LAMA3: variants seen among roughly 807,000 people sequenced by gnomAD.
LAMA3 encodes laminin subunit alpha-3.
A neutral mutation model predicts 402.0 loss-of-function variants in LAMA3; 281 were observed. The ratio of observed to expected loss-of-function variants is 0.70; its 90% CI spans 0.63 to 0.77. The LOEUF (loss-of-function observed/expected upper bound fraction) is 0.77, where lower values mean the gene tolerates loss of function less well. Among genes scored for constraint, LAMA3 ranks in the 30% least tolerant of loss-of-function variants. LAMA3 has a pLI of 0.00. For missense variants in LAMA3, 3,840 were observed against 4,215.5 expected (o/e 0.91, Z 2.47); for synonymous variants, 1,431 against 1,558.4 (o/e 0.92, Z 1.93).
intron 2 of LAMA3, among the ~76,000 whole-genome samples, chr18:23,727,306 TTTGATTGATTGATTGATTGA>T (rs71163638): frequency 2.0e-5 from 3 of 148,842 alleles, no homozygotes; most frequent in Non-Finnish European, 3.0e-5. Flanking sequence ...TCTGTCCTTG[TTTGATTGATTGATTGATTGA>T]TTGATTGATT....
chr18:23,739,049 G>C (rs1158947226), intron 2 of LAMA3, among the ~76,000 whole-genome samples: 2 of 152,170 alleles, frequency 1.3e-5, no homozygotes, highest in Non-Finnish European at 2.9e-5. Flanking sequence ...CCTTACTCTG[G>C]ACAGCTGCCC....
chr18:23,810,342 G>A (rs1568207223), intron 12 of LAMA3, 24 bp from the exon 13 acceptor site: 3 of 1,613,928 alleles, frequency 1.9e-6, no homozygotes, highest in Non-Finnish European at 1.7e-6. Flanking sequence ...CCCCGCCTAA[G>A]TCTGATTGAA....
At chr18:23,739,213 A>G (rs2061524889) in intron 2 of LAMA3, among the ~76,000 whole-genome samples, 1 of 152,164 alleles carries the variant, frequency 6.6e-6, no homozygotes, top group East Asian at 1.9e-4. Flanking sequence ...TATCCCCTTC[A>G]ATTTTCCAGA....
intron 60 of LAMA3, among the ~76,000 whole-genome samples, chr18:23,919,723 C>CG (rs1568345182): frequency 6.6e-6 from 1 of 151,892 alleles, no homozygotes; most frequent in Non-Finnish European, 1.5e-5. Context: ...ACAGTGGCTG[C>CG]GGGGCTGGAG....
chr18:23,925,655 A>G (rs2081981963), intron 62 of LAMA3, among the ~76,000 whole-genome samples: 1 of 152,174 alleles, frequency 6.6e-6, no homozygotes, highest in Non-Finnish European at 1.5e-5. Flanking sequence ...GCAGGAACCC[A>G]CCAACACAAC....
At chr18:23,741,277 T>C (rs1410467050) in intron 2 of LAMA3, among the ~76,000 whole-genome samples, 1 of 152,062 alleles carries the variant, frequency 6.6e-6, no homozygotes, top group Non-Finnish European at 1.5e-5. Context: ...CACAGGGTGA[T>C]GATAAACCCA....
In LAMA3 at chr18:23,773,568, T is replaced by A; in HGVS notation, c.1254T>A (p.Asp418Glu). The change falls in exon 9 of 75, where the codon GAT becomes GAA. Residue 418 changes from aspartate (D) to glutamate (E), a missense_variant. Asp to Glu is a conservative substitution (Grantham distance 45). Around this residue, in one of 3 missense-constraint regions of LAMA3, gnomAD observed 2,109 missense variants for 2,376.0 expected, o/e 0.89. Transcript: ENST00000313654. ...GYYRPYGVPV[D>E]APDGCIPCSC... Reference sequence around the variant, plus strand: ...ACCGCCCTTATGGGGTTCCAGTGGATGCCCCTGATGGCTGCATCCGTAAGT... The same window carrying A: ...ACCGCCCTTATGGGGTTCCAGTGGAAGCCCCTGATGGCTGCATCCGTAAGT... 1 of 1,588,494 alleles carries A rather than the reference T, an allele frequency of 6.3e-7. No homozygotes were observed. The highest frequency in any genetic ancestry group is 8.6e-7 in the Non-Finnish European group (1 of 1,163,788).
chr18:23,734,290 A>G (rs1412508419), intron 2 of LAMA3, among the ~76,000 whole-genome samples: 1 of 152,220 alleles, frequency 6.6e-6, no homozygotes, highest in Non-Finnish European at 1.5e-5. Context: ...AAACGGGACC[A>G]TGGGGCCTGC....
intron 2 of LAMA3, among the ~76,000 whole-genome samples, chr18:23,722,016 G>T (rs2061223058): frequency 6.6e-6 from 1 of 152,104 alleles, no homozygotes; most frequent in Non-Finnish European, 1.5e-5. Context: ...TTGGAATAAG[G>T]TCCAAGTTTC....
chr18:23,900,793 G>A (rs926212683), intron 47 of LAMA3, among the ~76,000 whole-genome samples: 2 of 152,164 alleles, frequency 1.3e-5, no homozygotes, highest in African/African-American at 2.4e-5. Flanking sequence ...AGTGGAAGGA[G>A]CATGCACTTT....
chr18:23,784,571 T>C (rs181605227), intron 12 of LAMA3, among the ~76,000 whole-genome samples: 92 of 152,198 alleles, frequency 6.0e-4, no homozygotes, highest in African/African-American at 2.0e-3. Context: ...GGCAGGGTGT[T>C]CTAGAGAGAG....
chr18:23,738,774 A>G (rs1385719740), intron 2 of LAMA3, among the ~76,000 whole-genome samples: 1 of 152,238 alleles, frequency 6.6e-6, no homozygotes, highest in Non-Finnish European at 1.5e-5. Context: ...AGCCACTTCC[A>G]GAAAGAATTC....
rs1414057187 is a variant in LAMA3, at chr18:23,817,928, C to T, written c.2147+1441C>T. 4.6e-5 allele frequency among the ~76,000 whole-genome samples: 7 copies of T among 151,990 alleles called. No homozygotes were observed. In the South Asian group the frequency reaches 1.2e-3, roughly 27 times the overall value. On this transcript the variant is annotated intron_variant, in intron 18 of 74. Coordinates refer to ENST00000313654, the MANE Select transcript of LAMA3 (RefSeq NM_198129.4). Reference sequence around the variant, plus strand: ...CAGTACTTTGGGGGGCCGAGGTGGGCGGATCACCTGAGGTCAGGAGTTCAA... The same window carrying T: ...CAGTACTTTGGGGGGCCGAGGTGGGTGGATCACCTGAGGTCAGGAGTTCAA...
rs60711151 is a variant in LAMA3, at chr18:23,884,047, GGTGTGTGTGTGTGTGT to G, written c.5223-689_5223-674del. The stretch of plus-strand genomic sequence containing the variant: ...AACAGGGCTTTTTCATGGTCTCTTT[GGTGTGTGTGTGTGTGT>G]GTGTGTGTGTGTGTGTGTGTGTGTG... On this transcript the variant is annotated intron_variant, in intron 40 of 74. Coordinates refer to ENST00000313654, the MANE Select transcript of LAMA3 (RefSeq NM_198129.4). Among the ~76,000 whole-genome samples the G allele has an allele frequency of 3.1e-3, 431 of 138,890 alleles. 5 individuals are homozygous for G. The highest frequency in any genetic ancestry group is 0.03 in the South Asian group (123 of 4,086). 91.1% of individuals were successfully genotyped at this position (138,890 alleles called of 152,430 possible).
intron 1 of LAMA3, among the ~76,000 whole-genome samples, chr18:23,701,623 G>T (rs1202605346): frequency 6.6e-6 from 1 of 152,196 alleles, no homozygotes; most frequent in Non-Finnish European, 1.5e-5. Flanking sequence ...GTTTATAGTA[G>T]TGAGCAAAAT....
At chr18:23,781,960 A>G (rs977000207) in intron 11 of LAMA3, among the ~76,000 whole-genome samples, 1 of 152,212 alleles carries the variant, frequency 6.6e-6, no homozygotes, top group African/African-American at 2.4e-5. Flanking sequence ...GTTAAAAATC[A>G]TGTAAAGACT....
At chr18:23,771,577 A>G (rs970804857) in intron 8 of LAMA3, among the ~76,000 whole-genome samples, 2 of 152,254 alleles carry the variant, frequency 1.3e-5, no homozygotes, top group Non-Finnish European at 2.9e-5. Flanking sequence ...ATTTTATAAC[A>G]GAAGAAAAAA....
At chr18:23,795,637 A>T (rs574735042) in intron 12 of LAMA3, among the ~76,000 whole-genome samples, 23 of 152,336 alleles carry the variant, frequency 1.5e-4, no homozygotes, top group Non-Finnish European at 2.6e-4. Flanking sequence ...TAAACTGTTT[A>T]AGGCAAAAAT....
intron 12 of LAMA3, among the ~76,000 whole-genome samples, chr18:23,793,533 A>G (rs956991556): frequency 7.9e-5 from 12 of 152,036 alleles, no homozygotes; most frequent in African/African-American, 2.2e-4. Context: ...GCAGACGACC[A>G]CCAAGAGGCC....
Sources: gnomAD v4.1 joint callset for allele counts (sites outside exome capture counted in the v4.1 genomes callset) on GRCh38, gnomAD v4.1.1 for gene constraint, gnomAD v4.1.1 regional missense constraint, MANE v1.5 for transcripts, NCBI Gene and HGNC (gene_info 2026-07-23, HGNC 2026-07-21) for gene names.